Variants in LRCH2 observed in about 807,000 individuals in gnomAD.
The protein encoded by LRCH2 is leucine-rich repeat and calponin homology domain-containing protein 2.
LRCH2 carries 38 observed loss-of-function variants against 68.9 expected under a neutral mutation model. That is an observed-to-expected ratio of 0.55 (90% CI 0.43 to 0.72). LRCH2 has a LOEUF of 0.72. Among genes scored for constraint, LRCH2 ranks in the 30% least tolerant of loss-of-function variants. The pLI is 0.00. For missense variants in LRCH2, 528 were observed against 572.9 expected, an observed-to-expected ratio of 0.92 and a Z score of 0.80; for synonymous variants, 191 against 208.1, an observed-to-expected ratio of 0.92 and a Z score of 0.71.
intron 1 of LRCH2, among the ~76,000 whole-genome samples, chrX:115,199,481 C>T (rs2072914933): frequency 8.9e-6 from 1 of 111,985 alleles, no homozygotes; most frequent in Admixed American, 9.5e-5. Flanking sequence ...CAAACAAAAT[C>T]CAAAAGTGAG....
intron 1 of LRCH2, chrX:115,192,067 C>T: frequency 8.6e-7 from 1 of 1,166,696 alleles, no homozygotes; most frequent in Non-Finnish European, 1.1e-6. Context: ...CAGCAGGGGC[C>T]GATCGCCCGA....
chrX:115,203,837 TGTCA>T (rs1338365625), intron 1 of LRCH2, among the ~76,000 whole-genome samples: 4 of 111,282 alleles, frequency 3.6e-5, no homozygotes, highest in African/African-American at 1.3e-4. Context: ...CGGTACAAAC[TGTCA>T]GTCTAGAGGT....
At chrX:115,215,901 AACTTCT>A in intron 1 of LRCH2, among the ~76,000 whole-genome samples, 1 of 111,842 alleles carries the variant, frequency 8.9e-6, no homozygotes, top group Non-Finnish European at 1.9e-5. Flanking sequence ...AAAATGAGGT[AACTTCT>A]CTGAAGTGCA....
At chrX:115,171,193 A>G (rs192835145) in intron 5 of LRCH2, among the ~76,000 whole-genome samples, 16 of 111,653 alleles carry the variant, frequency 1.4e-4, no homozygotes, top group African/African-American at 4.5e-4. Flanking sequence ...ATGGGCTCAC[A>G]TAAGCTTACC....
At chrX:115,209,482 T>G (rs782725790) in intron 1 of LRCH2, among the ~76,000 whole-genome samples, 5 of 112,565 alleles carry the variant, frequency 4.4e-5, no homozygotes, top group Non-Finnish European at 9.4e-5. Flanking sequence ...CCTTCCACCA[T>G]GACTGTGAGG....
intron 1 of LRCH2, among the ~76,000 whole-genome samples, chrX:115,219,691 T>C (rs1338897309): frequency 2.7e-5 from 3 of 111,982 alleles, no homozygotes; most frequent in African/African-American, 9.8e-5. Flanking sequence ...TGTCATTTTA[T>C]AGTCACAACT....
chrX:115,163,597 T>C, intron 11 of LRCH2, 79 bp downstream of exon 11: 6 of 709,554 alleles, frequency 8.5e-6, no homozygotes, highest in Non-Finnish European at 1.2e-5. Flanking sequence ...CAAAACTTCA[T>C]ATACTTTGAT....
At chrX:115,167,823 C>A (rs2072575896) in intron 6 of LRCH2, among the ~76,000 whole-genome samples, 1 of 111,324 alleles carries the variant, frequency 9.0e-6, no homozygotes, top group Admixed American at 9.5e-5. Context: ...AAATAACTTA[C>A]ACAAGGCCAC....
rs782004283 is a variant in LRCH2 at position 115,198,211 on chromosome X, T to TA, written c.350-9842dup. On this transcript the variant is annotated intron_variant, in intron 1 of 20. Transcript: ENST00000317135. ...GGTATTCCTGAGGGATATGAGAGAT[T>TA]AAAAGGCTTAGAAAGCCTATTTAAC... Among the ~76,000 whole-genome samples, 140 of 110,364 alleles carry TA rather than the reference T, an allele frequency of 1.3e-3. 1 individual carries two copies. The highest frequency in any genetic ancestry group is 4.2e-3 in the African/African-American group (128 of 30,328).
chrX:115,171,829 A>G (rs918211003), intron 5 of LRCH2, among the ~76,000 whole-genome samples: 1 of 109,091 alleles, frequency 9.2e-6, no homozygotes, highest in Non-Finnish European at 1.9e-5. Flanking sequence ...ACAGGCACAC[A>G]CCACCATGCC....
At position 115,166,244 on chromosome X, in the gene LRCH2, A is replaced by G. The variant is rs1364531062; in HGVS notation, c.1086+11T>C. 8.7e-7 allele frequency: 1 copy of G among 1,143,483 alleles called. No individual in the cohort carries two copies. Among genetic ancestry groups the G allele is most frequent in the Non-Finnish European group, 1.2e-6 (1 of 839,033 alleles). The allele number at this position is 1,143,483 out of a possible 1,213,427, so 94.2% of individuals were successfully genotyped here. A position where few individuals can be genotyped will look rare whatever the true frequency, so the allele number is the denominator to read the frequency against. The stretch of plus-strand genomic sequence containing the variant: ...GTAAAACAGAATGGATCAGCAATAG[A>G]AAATACTCACTTCTGTTGTGGATAA... On this transcript the variant is annotated intron_variant, in intron 7 of 20. Transcript: ENST00000317135.
chrX:115,168,585 T>C (rs2072582406), intron 6 of LRCH2, among the ~76,000 whole-genome samples: 4 of 111,757 alleles, frequency 3.6e-5, no homozygotes, highest in Non-Finnish European at 5.7e-5. Context: ...AATTAAAAAT[T>C]ATATATGTGG....
At chrX:115,200,753 CTG>C (rs2072925004) in intron 1 of LRCH2, among the ~76,000 whole-genome samples, 1 of 110,941 alleles carries the variant, frequency 9.0e-6, no homozygotes, top group Admixed American at 9.7e-5. Flanking sequence ...CCTCCTGAAA[CTG>C]TTCCAAAAAA....
chrX:115,163,658 C>G lies in LRCH2; in HGVS notation c.1463+18G>C. The G allele has an allele frequency of 9.0e-7, 1 of 1,111,094 alleles. No individual in the cohort carries two copies. Among genetic ancestry groups the G allele is most frequent in the Non-Finnish European group, 1.2e-6 (1 of 820,912 alleles). The allele number at this position is 1,111,094 out of a possible 1,213,427, so 91.6% of individuals were successfully genotyped here. ...TTATAAAATTTGCCAATTCAAATCTCATTACTGAAAGGAATACCTGTTCTT... is the reference window on the plus strand; with the variant it reads ...TTATAAAATTTGCCAATTCAAATCTGATTACTGAAAGGAATACCTGTTCTT... On this transcript the variant is annotated intron_variant, in intron 11 of 20. Transcript: ENST00000317135.
Position 115,130,140 on chromosome X carries a change from A to G in LRCH2, c.1740+15T>C. 8.3e-6 allele frequency: 8 copies of G among 969,628 alleles called. No individual in the cohort carries two copies. The highest frequency in any genetic ancestry group is 1.1e-5 in the Non-Finnish European group (8 of 707,161). The allele number at this position is 969,628 out of a possible 1,213,427, so 79.9% of individuals were successfully genotyped here. ...GTAAACATTTCAAATAATTATTAAT[A>G]TTATCTTTTCTCACCTCATCATTTT... On this transcript the variant is annotated intron_variant, in intron 15 of 20. Coordinates refer to ENST00000317135, the MANE Select transcript of LRCH2 (RefSeq NM_020871.4).
chrX:115,191,887 G>A (rs1278147324), intron 1 of LRCH2: 17 of 1,162,444 alleles, frequency 1.5e-5, no homozygotes, highest in Non-Finnish European at 1.9e-5. Context: ...CAGAGGAGGA[G>A]GCCGCTACGA....
At chrX:115,136,485 T>C (rs1273102630) in intron 14 of LRCH2, among the ~76,000 whole-genome samples, 1 of 87,552 alleles carries the variant, frequency 1.1e-5, no homozygotes, top group Admixed American at 1.2e-4. Context: ...TATTTTTACC[T>C]TTTTTTTTTG....
intron 1 of LRCH2, among the ~76,000 whole-genome samples, chrX:115,221,010 C>T (rs868937355): frequency 1.4e-3 from 150 of 106,140 alleles, no homozygotes; most frequent in African/African-American, 5.0e-3. Context: ...CCTGTCTCTA[C>T]TAAAAATACA....
In LRCH2 at chrX:115,189,277, C is replaced by T. The variant is rs961594084; in HGVS notation, c.350-907G>A. On this transcript the variant is annotated intron_variant, in intron 1 of 20. Coordinates refer to ENST00000317135, the MANE Select transcript of LRCH2 (RefSeq NM_020871.4). ...GGATTTCCTCTACCTGTATCATAGA[C>T]GTTGGTGTTCCCAAGAACTATGACG... 5.5e-5 allele frequency: 27 copies of T among 493,938 alleles called. No homozygotes were observed. In the African/African-American group the frequency reaches 6.5e-4, roughly 12 times the overall value. The allele number at this position is 493,938 out of a possible 1,213,427, so 40.7% of individuals were successfully genotyped here.
Sources: gnomAD v4.1 joint callset for allele counts (sites outside exome capture counted in the v4.1 genomes callset) on GRCh38, gnomAD v4.1.1 for gene constraint, MANE v1.5 for transcripts, NCBI Gene and HGNC (gene_info 2026-07-23, HGNC 2026-07-21) for gene names.